The following MYO1D variants were observed in gnomAD, a reference collection of about 807,000 sequenced individuals.
MYO1D encodes unconventional myosin-Id.
A neutral mutation model predicts 122.0 loss-of-function variants in MYO1D; 83 were observed. The observed-to-expected ratio is 0.68, with a 90% CI of 0.57 to 0.82. The LOEUF (loss-of-function observed/expected upper bound fraction) is 0.82. Among genes scored for constraint, MYO1D ranks in the 40% least tolerant of loss-of-function variants. The probability of loss-of-function intolerance (pLI) is 0.00; values close to 1 mark genes in which losing one functional copy is unlikely to be tolerated. For synonymous variants in MYO1D, 464 were observed against 446.9 expected (o/e 1.04, Z -0.48); for missense variants, 1,157 against 1,269.5 (o/e 0.91, Z 1.35).
At chr17:32,677,580 AATATAT>A (rs10523328) in intron 16 of MYO1D, among the ~76,000 whole-genome samples, 3,898 of 135,458 alleles carry the variant, frequency 0.029, 85 homozygotes, top group African/African-American at 0.054. Context: ...TAGATAGATA[AATATAT>A]ATATATATAT....
chr17:32,689,640 C>T (rs2089067737), intron 16 of MYO1D, among the ~76,000 whole-genome samples: 1 of 152,136 alleles, frequency 6.6e-6, no homozygotes, highest in Non-Finnish European at 1.5e-5. Flanking sequence ...TGTTTTGTAA[C>T]ATATATTTTC....
intron 20 of MYO1D, among the ~76,000 whole-genome samples, chr17:32,606,632 C>T (rs562130680): frequency 6.6e-6 from 1 of 152,308 alleles, no homozygotes; most frequent in South Asian, 2.1e-4. Flanking sequence ...AGAAAAAGTA[C>T]TTGACAAAAT....
At chr17:32,552,781 A>G (rs2087030032) in intron 21 of MYO1D, among the ~76,000 whole-genome samples, 1 of 152,236 alleles carries the variant, frequency 6.6e-6, no homozygotes, top group Non-Finnish European at 1.5e-5. Flanking sequence ...AGGGTGCTAT[A>G]GTAAGCGAAA....
chr17:32,772,902 G>A lies in MYO1D; in HGVS notation c.565-60C>T, dbSNP rs764179568. The A allele has an allele frequency of 6.6e-5, 92 of 1,403,114 alleles. 1 individual carries two copies. The highest frequency in any genetic ancestry group is 9.2e-5 in the Non-Finnish European group (91 of 989,634). The allele number at this position is 1,403,114 out of a possible 1,614,324, so 86.9% of individuals were successfully genotyped here. On this transcript the variant is annotated intron_variant, in intron 4 of 21. Coordinates refer to ENST00000318217, the MANE Select transcript of MYO1D (RefSeq NM_015194.3). ...AATGTGCCCCTAAAATAAAACAGGA[G>A]CCACTTTCTTAGGGAACTGTCAGGC...
chr17:32,575,449 T>A (rs181644881), intron 21 of MYO1D, among the ~76,000 whole-genome samples: 1 of 152,350 alleles, frequency 6.6e-6, no homozygotes, highest in Admixed American at 6.5e-5. Flanking sequence ...GTTCATTACA[T>A]CCACAATAAA....
chr17:32,870,517 C>T (rs1262287183), intron 1 of MYO1D, among the ~76,000 whole-genome samples: 1 of 151,044 alleles, frequency 6.6e-6, no homozygotes, highest in Non-Finnish European at 1.5e-5. Flanking sequence ...TGTTTCCTGC[C>T]TTTCTTCTAA....
chr17:32,876,765 G>A lies in MYO1D; in HGVS notation c.95+13C>T, dbSNP rs1364763362. 2.7e-6 allele frequency: 4 copies of A among 1,496,568 alleles called. No homozygotes were observed. The highest frequency in any genetic ancestry group is 1.8e-6 in the Non-Finnish European group (2 of 1,121,706). 92.7% of individuals were successfully genotyped at this position (1,496,568 alleles called of 1,614,324 possible). ...CAGCCTCGCGCCCCTGCGCGCGGCC[G>A]CTCCGCCCTCACCTGAGCCTGAGGT... On this transcript the variant is annotated intron_variant, in intron 1 of 21. Transcript: ENST00000318217.
chr17:32,698,544 C>T (rs1300394593), intron 16 of MYO1D, among the ~76,000 whole-genome samples: 2 of 152,052 alleles, frequency 1.3e-5, no homozygotes, highest in African/African-American at 4.8e-5. Context: ...ATGTCTCTAT[C>T]TGACAGTTTC....
At chr17:32,847,033 T>C (rs1220102835) in intron 1 of MYO1D, among the ~76,000 whole-genome samples, 1 of 152,108 alleles carries the variant, frequency 6.6e-6, no homozygotes, top group Non-Finnish European at 1.5e-5. Context: ...GGAGATTAGA[T>C]GATAGCACAA....
At chr17:32,792,286 A>G (rs952145232) in intron 1 of MYO1D, among the ~76,000 whole-genome samples, 1 of 152,256 alleles carries the variant, frequency 6.6e-6, no homozygotes, top group African/African-American at 2.4e-5. Context: ...GACTGTACCA[A>G]TTTAAACTTC....
At chr17:32,568,343 CCA>C (rs201892873) in intron 21 of MYO1D, among the ~76,000 whole-genome samples, 36 of 152,284 alleles carry the variant, frequency 2.4e-4, no homozygotes, top group Middle Eastern at 3.4e-3. Context: ...TTAGGCAAGT[CCA>C]TGTTTAGAAT....
intron 1 of MYO1D, among the ~76,000 whole-genome samples, chr17:32,795,016 G>A (rs1351339027): frequency 6.6e-6 from 1 of 152,008 alleles, no homozygotes; most frequent in Non-Finnish European, 1.5e-5. Context: ...TATTGGAGAC[G>A]GTAACTTACT....
intron 14 of MYO1D, among the ~76,000 whole-genome samples, chr17:32,735,343 C>T (rs2089689699): frequency 6.6e-6 from 1 of 152,054 alleles, no homozygotes; most frequent in South Asian, 2.1e-4. Context: ...CCACCATGCC[C>T]AGCTAAGTTT....
intron 1 of MYO1D, among the ~76,000 whole-genome samples, chr17:32,844,869 T>C (rs2090920789): frequency 6.6e-6 from 1 of 152,212 alleles, no homozygotes; most frequent in Non-Finnish European, 1.5e-5. Flanking sequence ...ATGAAACACT[T>C]GAGTTAGGAA....
intron 16 of MYO1D, among the ~76,000 whole-genome samples, chr17:32,700,446 G>T (rs1039259520): frequency 2.0e-5 from 3 of 152,192 alleles, no homozygotes. Flanking sequence ...CCAGTCCGTG[G>T]CACAAGGGTT....
At chr17:32,845,940 A>C (rs897616637) in intron 1 of MYO1D, among the ~76,000 whole-genome samples, 1 of 145,332 alleles carries the variant, frequency 6.9e-6, no homozygotes, top group South Asian at 2.2e-4. Context: ...ACTGTAGAGG[A>C]AAAAAAAAAA....
intron 16 of MYO1D, among the ~76,000 whole-genome samples, chr17:32,702,530 C>G (rs78418651): frequency 2.0e-5 from 3 of 151,814 alleles, no homozygotes; most frequent in Non-Finnish European, 2.9e-5. Context: ...TTCTCTTTCA[C>G]GTCTTTCCAC....
chr17:32,660,572 CT>C (rs1164688906), intron 16 of MYO1D, among the ~76,000 whole-genome samples: 1 of 152,128 alleles, frequency 6.6e-6, no homozygotes, highest in South Asian at 2.1e-4. Flanking sequence ...TGTTTGCACA[CT>C]ACGTGCAAGA....
chr17:32,749,657 G>A (rs572738604), intron 11 of MYO1D, among the ~76,000 whole-genome samples: 1 of 152,280 alleles, frequency 6.6e-6, no homozygotes, highest in South Asian at 2.1e-4. Context: ...ACCATGGAAG[G>A]CAGAGACTGC....
Sources: gnomAD v4.1 joint callset for allele counts (sites outside exome capture counted in the v4.1 genomes callset) on GRCh38, gnomAD v4.1.1 for gene constraint, MANE v1.5 for transcripts, NCBI Gene and HGNC (gene_info 2026-07-23, HGNC 2026-07-21) for gene names.